The following NAV3 variants were observed in gnomAD, a reference collection of about 807,000 sequenced individuals.
NAV3 encodes the protein neuron navigator 3.
In NAV3, 87 loss-of-function variants were observed where a neutral mutation model predicts 244.7. The ratio of observed to expected loss-of-function variants is 0.36; its 90% CI spans 0.30 to 0.42. The LOEUF (loss-of-function observed/expected upper bound fraction) is 0.42. Ranked by LOEUF, NAV3 falls within the 20% of genes least tolerant of loss-of-function variation. The probability of loss-of-function intolerance (pLI) is 1.00; values close to 1 mark genes in which losing one functional copy is unlikely to be tolerated. For missense variants in NAV3, 2,663 were observed against 2,893.3 expected (o/e 0.92, Z 1.83); for synonymous variants, 1,126 against 1,042.2 (o/e 1.08, Z -1.55).
chr12:77,660,972 T>G (rs11829351), intron 2 of NAV3, among the ~76,000 whole-genome samples: 2,554 of 152,276 alleles, frequency 0.017, 77 homozygotes, highest in African/African-American at 0.058. Context: ...ATATACCATT[T>G]TGTTTATCCA....
rs1186642112 is a variant in NAV3 at position 78,072,112 on chromosome 12, C to A, written c.2636+12997C>A. On this transcript the variant is annotated intron_variant, in intron 12 of 39. Transcript: ENST00000397909. ...AGATCCAAAATTGACACCCTAACAT[C>A]ACAATTAAAAGAACTAGAAAAGCAA... Among the ~76,000 whole-genome samples, 4 of 151,706 alleles carry A rather than the reference C, an allele frequency of 2.6e-5. No individual in the cohort carries two copies. The East Asian group carries it at 5.9e-4, about 22-fold the overall frequency.
At chr12:77,696,676 GC>G (rs1875315358) in intron 2 of NAV3, among the ~76,000 whole-genome samples, 1 of 152,154 alleles carries the variant, frequency 6.6e-6, no homozygotes, top group South Asian at 2.1e-4. Flanking sequence ...TACCAGACTA[GC>G]CCTTGGGAAA....
chr12:77,888,024 G>GTTT (rs1555223631), intron 1 of NAV3, among the ~76,000 whole-genome samples: 116 of 148,502 alleles, frequency 7.8e-4, no homozygotes, highest in Middle Eastern at 3.5e-3. Flanking sequence ...AAGTTGTTGA[G>GTTT]TTTTTTTTTT....
intron 1 of NAV3, among the ~76,000 whole-genome samples, chr12:77,865,161 A>G (rs1415047739): frequency 2.0e-5 from 3 of 152,140 alleles, no homozygotes; most frequent in Non-Finnish European, 4.4e-5. Context: ...CGTTAGCTTC[A>G]TCTGTAAAAA....
At chr12:77,982,770 G>A (rs1451206596) in intron 5 of NAV3, among the ~76,000 whole-genome samples, 1 of 152,146 alleles carries the variant, frequency 6.6e-6, no homozygotes, top group Non-Finnish European at 1.5e-5. Context: ...GGAATGGCGG[G>A]GATGTCACAA....
Position 78,210,601 on chromosome 12 carries a change from A to G in NAV3, c.*84A>G. 1.3e-6 allele frequency: 2 copies of G among 1,505,550 alleles called. No homozygotes were observed. Among genetic ancestry groups the G allele is most frequent in the Non-Finnish European group, 1.8e-6 (2 of 1,117,678 alleles). The allele number at this position is 1,505,550 out of a possible 1,614,324, so 93.3% of individuals were successfully genotyped here. ...GTATTTTCACTAAACCACTGCCAGTATAAAAGCACCCTGTCAAGGGCCCTG... is the reference window on the plus strand; with the variant it reads ...GTATTTTCACTAAACCACTGCCAGTGTAAAAGCACCCTGTCAAGGGCCCTG... On this transcript the variant is annotated 3_prime_UTR_variant, in exon 40 of 40. Coordinates refer to ENST00000397909, the MANE Select transcript of NAV3 (RefSeq NM_001024383.2).
chr12:78,180,732 T>C, intron 29 of NAV3, 139 bp from the exon 30 acceptor site: 1 of 712,014 alleles, frequency 1.4e-6, no homozygotes, highest in South Asian at 2.2e-5. Flanking sequence ...AAATCCTATT[T>C]CATATCTTAT....
chr12:78,070,920 T>C (rs1267519587), intron 12 of NAV3, among the ~76,000 whole-genome samples: 1 of 147,250 alleles, frequency 6.8e-6, no homozygotes, highest in East Asian at 2.0e-4. Flanking sequence ...CCATGGTGTA[T>C]ATGTGCCACA....
chr12:77,798,661 A>G (rs140057293), intron 2 of NAV3, among the ~76,000 whole-genome samples: 1 of 152,280 alleles, frequency 6.6e-6, no homozygotes, highest in Non-Finnish European at 1.5e-5. Flanking sequence ...TTAAATTATA[A>G]CAAATGCTAT....
At position 78,007,128 on chromosome 12, in the gene NAV3, A is replaced by G. The variant is rs762874130; in HGVS notation, c.1590A>G (p.Pro530=). 2 of 1,614,126 alleles carry G rather than the reference A, an allele frequency of 1.2e-6. No homozygotes were observed. Among genetic ancestry groups the G allele is most frequent in the Non-Finnish European group, 8.5e-7 (1 of 1,180,036 alleles). The change falls in exon 8 of 40, where the codon CCA becomes CCG. Residue 530 remains proline (P), a synonymous_variant. Coordinates refer to ENST00000397909, the MANE Select transcript of NAV3 (RefSeq NM_001024383.2). The part of the protein sequence containing the change: ...LIPSSSGIPK[P]GSKVPTVKQT... ...CGTCTTCCAGTGGTATTCCAAAACC[A>G]GGCTCTAAAGTTCCAACAGTAAAGC... is the stretch of plus-strand genomic sequence containing the variant.
At chr12:77,648,949 A>G (rs1186971491) in intron 2 of NAV3, among the ~76,000 whole-genome samples, 2 of 152,172 alleles carry the variant, frequency 1.3e-5, no homozygotes, top group African/African-American at 4.8e-5. Context: ...GAAATAGGAC[A>G]GTATGAGGAA....
chr12:78,026,048 C>T (rs1174382875), intron 9 of NAV3, among the ~76,000 whole-genome samples: 3 of 152,066 alleles, frequency 2.0e-5, no homozygotes, highest in African/African-American at 7.2e-5. Context: ...CTTACTGTTC[C>T]TTTTTGGTTT....
At chr12:78,037,270 G>C (rs1880063130) in intron 9 of NAV3, 2 of 702,878 alleles carry the variant, frequency 2.8e-6, no homozygotes, top group African/African-American at 1.7e-5. Context: ...ATCAGCAGAA[G>C]CTGGGCTGAA....
At chr12:77,578,762 G>A (rs552431593) in intron 2 of NAV3, among the ~76,000 whole-genome samples, 87 of 152,022 alleles carry the variant, frequency 5.7e-4, no homozygotes, top group African/African-American at 2.0e-3. Context: ...GCAATTTATG[G>A]GTGACCCACA....
At chr12:77,608,577 G>C (rs540924729) in intron 2 of NAV3, among the ~76,000 whole-genome samples, 8 of 152,102 alleles carry the variant, frequency 5.3e-5, no homozygotes, top group Non-Finnish European at 8.8e-5. Context: ...AAAATGCTAA[G>C]CAGCTGAGGT....
chr12:77,898,026 T>A (rs1884828405), intron 1 of NAV3, among the ~76,000 whole-genome samples: 1 of 152,210 alleles, frequency 6.6e-6, no homozygotes, highest in South Asian at 2.1e-4. Context: ...GCTGCTTTTT[T>A]ATTTTCACTT....
chr12:77,899,693 C>T (rs1885031869), intron 1 of NAV3, among the ~76,000 whole-genome samples: 1 of 152,124 alleles, frequency 6.6e-6, no homozygotes, highest in Non-Finnish European at 1.5e-5. Context: ...GCAATATCTC[C>T]AAGGTGTTCC....
intron 2 of NAV3, among the ~76,000 whole-genome samples, chr12:77,658,169 T>A (rs1592550198): frequency 6.6e-6 from 1 of 152,244 alleles, no homozygotes; most frequent in East Asian, 1.9e-4. Flanking sequence ...AGTCAAATTT[T>A]CCCTGTTTGC....
At chr12:77,725,552 C>T (rs1333870029) in intron 2 of NAV3, among the ~76,000 whole-genome samples, 1 of 150,902 alleles carries the variant, frequency 6.6e-6, no homozygotes, top group Non-Finnish European at 1.5e-5. Context: ...ATGCTGCAAA[C>T]TATACTGGTA....
Sources: allele counts gnomAD v4.1 joint callset (sites outside exome capture counted in the v4.1 genomes callset), GRCh38; gene constraint gnomAD v4.1.1; transcripts MANE v1.5; gene names NCBI Gene and HGNC (gene_info 2026-07-23, HGNC 2026-07-21).